IDH1: variants seen among roughly 807,000 people sequenced by gnomAD.
IDH1 encodes isocitrate dehydrogenase [NADP] cytoplasmic.
A neutral mutation model predicts 46.1 loss-of-function variants in IDH1; 33 were observed. The ratio of observed to expected loss-of-function variants is 0.72; its 90% confidence interval spans 0.54 to 0.96. The LOEUF (loss-of-function observed/expected upper bound fraction) is 0.96, where lower values mean the gene tolerates loss of function less well. IDH1 is among the 40% of genes least tolerant of loss of function. The pLI, the probability that IDH1 is intolerant of heterozygous loss-of-function variation, is 0.00. For synonymous variants in IDH1, 144 were observed against 172.8 expected (o/e 0.83, Z 1.31); for missense variants, 421 against 515.7 (o/e 0.82, Z 1.78).
intron 5 of IDH1, among the ~76,000 whole-genome samples, 169 bp from the exon 6 acceptor site, chr2:208,243,773 A>G (rs72976889): frequency 0.03 from 4,620 of 152,394 alleles, 103 homozygotes; most frequent in Non-Finnish European, 0.043. Flanking sequence ...TCTGAGGCAC[A>G]TAATGAGAGA....
intron 4 of IDH1, among the ~76,000 whole-genome samples, chr2:208,246,719 C>A (rs544397853): frequency 6.7e-6 from 1 of 149,932 alleles, no homozygotes; most frequent in African/African-American, 2.5e-5. Flanking sequence ...CGGAGGCGGG[C>A]GGATCACAAG....
Position 208,236,834 on chromosome 2 carries a change from G to A in IDH1, c.*245C>T, listed in dbSNP as rs914339913. On this transcript the variant is annotated 3_prime_UTR_variant, in exon 10 of 10. Transcript: ENST00000345146. ...CAGTGAATACAAATGAGTACTAACC[G>A]AATTCCTAGGCTGGTACTAGAAAAT... 19 of 494,726 alleles carry A rather than the reference G, an allele frequency of 3.8e-5. No homozygotes were observed. Among genetic ancestry groups the A allele is most frequent in the South Asian group, 2.6e-4 (10 of 39,142 alleles). The allele number at this position is 494,726 out of a possible 1,614,324, so 30.6% of individuals were successfully genotyped here.
rs1687998168 is a variant in IDH1, at chr2:208,245,433, AG to A, written c.415-10del. ...AAATCAGTTGCTCTGTACTGTGTAG[AG>A]GGGAAAAAGGTATAAAGAAAAAAAA... On this transcript the variant is annotated splice_polypyrimidine_tract_variant and intron_variant, in intron 4 of 9. Transcript: ENST00000345146. 2.0e-6 allele frequency: 3 copies of A among 1,473,502 alleles called. No individual in the cohort carries two copies. Among genetic ancestry groups the A allele is most frequent in the Non-Finnish European group, 2.9e-6 (3 of 1,052,466 alleles). 91.3% of individuals were successfully genotyped at this position (1,473,502 alleles called of 1,614,324 possible).
rs532947500 is a variant in IDH1 at position 208,236,999 on chromosome 2, CT to C, written c.*79del. On this transcript the variant is annotated 3_prime_UTR_variant, in exon 10 of 10. Transcript: ENST00000345146. The stretch of plus-strand genomic sequence containing the variant: ...TTACAAAATTGATTTTGCCTTTATC[CT>C]TGAGTGTAACACAGAAAAATGTAAA... 521 of 787,330 alleles carry C rather than the reference CT, an allele frequency of 6.6e-4. 1 individual carries two copies. The African/African-American group carries it at 8.0e-3, about 12-fold the overall frequency. The allele number at this position is 787,330 out of a possible 1,614,324, so 48.8% of individuals were successfully genotyped here. A position where few individuals can be genotyped will look rare whatever the true frequency, so the allele number is the denominator to read the frequency against.
chr2:208,248,786 C>T (rs895607763), intron 3 of IDH1, 126 bp from the exon 4 acceptor site: 10 of 815,182 alleles, frequency 1.2e-5, no homozygotes, highest in Non-Finnish European at 2.0e-5. Context: ...CAAAATCTGC[C>T]AAGTTTTAGC....
At chr2:208,254,780 T>C (rs1321341108) in intron 1 of IDH1, among the ~76,000 whole-genome samples, 159 bp downstream of exon 1, 1 of 152,040 alleles carries the variant, frequency 6.6e-6, no homozygotes, top group African/African-American at 2.4e-5. Flanking sequence ...TTTCCCATTC[T>C]CAATACCTGG....
intron 3 of IDH1, 91 bp from the exon 4 acceptor site, chr2:208,248,751 C>G: frequency 8.0e-7 from 1 of 1,252,736 alleles, no homozygotes; most frequent in Admixed American, 1.7e-5. Context: ...GCTCATTATG[C>G]AGAAAGCGAA....
intron 3 of IDH1, among the ~76,000 whole-genome samples, chr2:208,249,789 T>C (rs1184432624): frequency 1.3e-5 from 2 of 152,232 alleles, no homozygotes; most frequent in Non-Finnish European, 2.9e-5. Flanking sequence ...CGACTTTAGA[T>C]AATTCATATA....
intron 8 of IDH1, 34 bp downstream of exon 8, chr2:208,239,829 C>A: frequency 6.2e-7 from 1 of 1,613,060 alleles, no homozygotes; most frequent in Non-Finnish European, 8.5e-7. Context: ...GGAGAGCACT[C>A]TCTGGTGAGA....
At position 208,240,017 on chromosome 2, in the gene IDH1, A is replaced by C; in HGVS notation, c.851-14T>G. ...GAGAGCCATACCCTGTAAGTAGTGG[A>C]GCATGAAGCGTTGGGTCCAACTGCA... is the stretch of plus-strand genomic sequence containing the variant. On this transcript the variant is annotated splice_polypyrimidine_tract_variant and intron_variant, in intron 7 of 9. Coordinates refer to ENST00000345146, the MANE Select transcript of IDH1 (RefSeq NM_005896.4). The C allele has an allele frequency of 6.2e-7, 1 of 1,614,170 alleles. No homozygotes were observed. The highest frequency in any genetic ancestry group is 1.3e-5 in the African/African-American group (1 of 75,054).
rs750362869 is a variant in IDH1 at position 208,243,583 on chromosome 2, C to A, written c.542G>T (p.Gly181Val). Residue 181 changes from glycine (G) to valine (V), a missense_variant, in exon 6 of 10, where the codon GGG becomes GTG. Physicochemically the swap from Gly to Val is moderately radical, Grantham distance 109. Transcript: ENST00000345146. ...AATTGACTTATCTTGATTATACATCCCCATGGCAACACCACCACCTTCTGT... is the reference window on the plus strand; with the variant it reads ...AATTGACTTATCTTGATTATACATCACCATGGCAACACCACCACCTTCTGT... ...NFEEGGGVAM[G>V]MYNQDKSIED... 1 of 1,613,750 alleles carries A rather than the reference C, an allele frequency of 6.2e-7. No homozygotes were observed. Among genetic ancestry groups the A allele is most frequent in the South Asian group, 1.1e-5 (1 of 91,064 alleles).
chr2:208,241,132 T>C (rs1173781218), intron 7 of IDH1, among the ~76,000 whole-genome samples: 1 of 152,226 alleles, frequency 6.6e-6, no homozygotes, highest in African/African-American at 2.4e-5. Flanking sequence ...CCTTACCCCA[T>C]GCATGAAACT....
chr2:208,252,820 A>G (rs772167209), intron 2 of IDH1, among the ~76,000 whole-genome samples: 14 of 152,230 alleles, frequency 9.2e-5, no homozygotes, highest in Non-Finnish European at 1.3e-4. Flanking sequence ...CAAATTCGCA[A>G]TTCTAGAATT....
chr2:208,251,423 C>T lies in IDH1; in HGVS notation c.122+7G>A, dbSNP rs763413042. 1.6e-5 allele frequency: 26 copies of T among 1,612,484 alleles called. No homozygotes were observed. Among genetic ancestry groups the T allele is most frequent in the Non-Finnish European group, 2.0e-5 (24 of 1,179,768 alleles). On this transcript the variant is annotated splice_region_variant and intron_variant, in intron 3 of 9. Coordinates refer to ENST00000345146, the MANE Select transcript of IDH1 (RefSeq NM_005896.4). Reference sequence around the variant, plus strand: ...GAGTTTGCTACACGGAGGGGTAACTCATTTACCTATGTAGATCCAATTCCA... The same window carrying T: ...GAGTTTGCTACACGGAGGGGTAACTTATTTACCTATGTAGATCCAATTCCA...
chr2:208,242,255 T>C lies in IDH1; in HGVS notation c.699-110A>G, dbSNP rs1053238833. ...CGGACACACAAGAAGCAGCATATTT[T>C]AGTAGAAGTAGCAGAAACTCAGGAA... On this transcript the variant is annotated intron_variant, in intron 6 of 9. Transcript: ENST00000345146. 14 of 1,002,762 alleles carry C rather than the reference T, an allele frequency of 1.4e-5. No homozygotes were observed. The African/African-American group carries it at 1.9e-4, about 14-fold the overall frequency. The allele number at this position is 1,002,762 out of a possible 1,614,324, so 62.1% of individuals were successfully genotyped here.
intron 5 of IDH1, 101 bp downstream of exon 5, chr2:208,245,218 A>C (rs1687993186): frequency 5.5e-6 from 4 of 726,042 alleles, no homozygotes. Context: ...GATTCAGATT[A>C]TATTTTTAGG....
At chr2:208,249,705 T>G (rs1688088208) in intron 3 of IDH1, among the ~76,000 whole-genome samples, 1 of 152,270 alleles carries the variant, frequency 6.6e-6, no homozygotes, top group Admixed American at 6.5e-5. Flanking sequence ...TTAGATCTCC[T>G]ACCCAACTCA....
Position 208,248,336 on chromosome 2 carries a change from A to C in IDH1, c.414+33T>G. On this transcript the variant is annotated intron_variant, in intron 4 of 9. Transcript: ENST00000345146. ...ATTTCTGGGCCATGAAAAAAAAAACATGCAAAATCACATTATTGCCAACAT... is the reference window on the plus strand; with the variant it reads ...ATTTCTGGGCCATGAAAAAAAAAACCTGCAAAATCACATTATTGCCAACAT... 2 of 1,603,194 alleles carry C rather than the reference A, an allele frequency of 1.2e-6. 1 individual carries two copies. Among genetic ancestry groups the C allele is most frequent in the South Asian group, 2.2e-5 (2 of 90,002 alleles).
chr2:208,246,915 C>T (rs774045822), intron 4 of IDH1, among the ~76,000 whole-genome samples: 1 of 152,134 alleles, frequency 6.6e-6, no homozygotes, highest in Non-Finnish European at 1.5e-5. Flanking sequence ...TGCACTCCAG[C>T]CTGGGCGACA....
Sources: allele counts gnomAD v4.1 joint callset (sites outside exome capture counted in the v4.1 genomes callset), GRCh38; gene constraint gnomAD v4.1.1; transcripts MANE v1.5; gene names NCBI Gene and HGNC (gene_info 2026-07-23, HGNC 2026-07-21).